The following PRKN variants were observed in gnomAD, a reference collection of about 807,000 sequenced individuals.
PRKN encodes parkin RBR E3 ubiquitin protein ligase.
Under a neutral mutation model 59.5 loss-of-function variants are expected in PRKN, and 56 were observed. The ratio of observed to expected loss-of-function variants is 0.94; its 90% CI spans 0.76 to 1.18. The LOEUF (loss-of-function observed/expected upper bound fraction) is 1.18. Ranked by LOEUF, PRKN falls within the 50% of genes most tolerant of loss-of-function variation. PRKN has a pLI of 0.00. For synonymous variants in PRKN, 250 were observed against 222.1 expected (o/e 1.13, Z -1.12); for missense variants, 657 against 596.4 (o/e 1.10, Z -1.06).
chr6:161,846,192 G>A (rs925765420), intron 6 of PRKN, among the ~76,000 whole-genome samples: 2 of 151,966 alleles, frequency 1.3e-5, no homozygotes, highest in African/African-American at 4.8e-5. Flanking sequence ...TATCTAATGC[G>A]GGTTCTAATA....
chr6:161,904,131 G>T (rs1301091936), intron 6 of PRKN, among the ~76,000 whole-genome samples: 1 of 151,840 alleles, frequency 6.6e-6, no homozygotes, highest in South Asian at 2.1e-4. Flanking sequence ...TTTGTGCCCA[G>T]GTTGTCTTGG....
At chr6:161,618,026 G>A (rs536871683) in intron 7 of PRKN, among the ~76,000 whole-genome samples, 7 of 152,332 alleles carry the variant, frequency 4.6e-5, no homozygotes, top group African/African-American at 1.7e-4. Flanking sequence ...AACGGGTGCT[G>A]TACCTCTCCA....
chr6:161,779,692 C>T (rs1790122517), intron 7 of PRKN, among the ~76,000 whole-genome samples: 1 of 152,032 alleles, frequency 6.6e-6, no homozygotes, highest in African/African-American at 2.4e-5. Context: ...ATCTGCCTAC[C>T]TCGTCCTACC....
chr6:162,637,109 T>A (rs559920002), intron 1 of PRKN, among the ~76,000 whole-genome samples: 39 of 150,940 alleles, frequency 2.6e-4, no homozygotes, highest in African/African-American at 9.3e-4. Flanking sequence ...TAAAAAAAAA[T>A]AGCCGGGCGT....
intron 9 of PRKN, among the ~76,000 whole-genome samples, chr6:161,532,553 T>C (rs1204973721): frequency 2.6e-5 from 4 of 152,172 alleles, no homozygotes; most frequent in South Asian, 2.1e-4. Context: ...TCCAGAGACA[T>C]TGAAAATATC....
intron 2 of PRKN, chr6:162,271,367 T>A (rs2128103245): frequency 6.6e-6 from 1 of 152,008 alleles, no homozygotes; most frequent in African/African-American, 2.4e-5. Context: ...GTGAAACCCG[T>A]GTCTACTAAA....
At chr6:162,012,962 A>G (rs1782793057) in intron 5 of PRKN, among the ~76,000 whole-genome samples, 1 of 152,018 alleles carries the variant, frequency 6.6e-6, no homozygotes, top group Non-Finnish European at 1.5e-5. Context: ...TTTTATTTTT[A>G]TGTTGAATAA....
At position 162,453,956 on chromosome 6, in the gene PRKN, G is replaced by C. The variant is rs185956115; in HGVS notation, c.8-10483C>G. Reference sequence around the variant, plus strand: ...TAATAATAAGGGCAAAACTCTTTGGGGAAGGAGATGACAAAGAAAGGAGAA... The same window carrying C: ...TAATAATAAGGGCAAAACTCTTTGGCGAAGGAGATGACAAAGAAAGGAGAA... On this transcript the variant is annotated intron_variant, in intron 1 of 11. Transcript: ENST00000366898. Among the ~76,000 whole-genome samples, 683 of 152,198 alleles carry C rather than the reference G, an allele frequency of 4.5e-3. 5 individuals are homozygous for C. The highest frequency in any genetic ancestry group is 6.5e-3 in the Admixed American group (99 of 15,274).
rs1030247828 is a variant in PRKN, at chr6:161,473,982, C to T, written c.1083+74872G>A. 6.6e-6 allele frequency among the ~76,000 whole-genome samples: 1 copy of T among 152,044 alleles called. No individual in the cohort carries two copies. The highest frequency in any genetic ancestry group is 2.4e-5 in the African/African-American group (1 of 41,384). ...AAATTTTATGCTTGTGGAAATCTAT[C>T]CACCCAAGCTTAGGCAGAGCCAGAC... On this transcript the variant is annotated intron_variant, in intron 9 of 11. Transcript: ENST00000366898. The surrounding 1 kb of genome is among the most constrained non-coding windows in gnomAD (Gnocchi z 4.1).
At chr6:162,306,510 C>T (rs1336200711) in intron 2 of PRKN, among the ~76,000 whole-genome samples, 1 of 152,116 alleles carries the variant, frequency 6.6e-6, no homozygotes, top group East Asian at 1.9e-4. Context: ...CTGTAGATCC[C>T]CTGTGAATCT....
chr6:162,638,941 T>C (rs921319656), intron 1 of PRKN, among the ~76,000 whole-genome samples: 1 of 152,034 alleles, frequency 6.6e-6, no homozygotes, highest in African/African-American at 2.4e-5. Flanking sequence ...AGACGGGGTT[T>C]CACTATGTTA....
At chr6:162,287,314 C>A (rs1781237112) in intron 2 of PRKN, among the ~76,000 whole-genome samples, 1 of 152,120 alleles carries the variant, frequency 6.6e-6, no homozygotes, top group Non-Finnish European at 1.5e-5. Context: ...CGCCTGTAAT[C>A]CCAGCAGTTT....
chr6:162,508,709 T>C (rs935659083), intron 1 of PRKN, among the ~76,000 whole-genome samples: 1 of 152,076 alleles, frequency 6.6e-6, no homozygotes, highest in African/African-American at 2.4e-5. Flanking sequence ...AGCCTAAGCA[T>C]TTTTACCCAG....
chr6:162,426,497 C>T (rs1789244492), intron 2 of PRKN, among the ~76,000 whole-genome samples: 1 of 152,242 alleles, frequency 6.6e-6, no homozygotes, highest in African/African-American at 2.4e-5. Flanking sequence ...GTCACCCACG[C>T]TGTAATGCAG....
chr6:162,217,491 C>G (rs1314213248), intron 3 of PRKN, among the ~76,000 whole-genome samples: 3 of 152,148 alleles, frequency 2.0e-5, no homozygotes, highest in Admixed American at 1.3e-4. Context: ...AGCTATTCTC[C>G]TGACTCTGCC....
chr6:162,341,606 A>G (rs1208065154), intron 2 of PRKN, among the ~76,000 whole-genome samples: 2 of 152,172 alleles, frequency 1.3e-5, no homozygotes, highest in African/African-American at 4.8e-5. Context: ...TGTCCTTTGC[A>G]GGGACATGGA....
intron 9 of PRKN, among the ~76,000 whole-genome samples, chr6:161,511,456 C>T (rs1273764982): frequency 6.6e-6 from 1 of 152,120 alleles, no homozygotes; most frequent in African/African-American, 2.4e-5. Flanking sequence ...TTTCTAGACT[C>T]CTGGGGAATT....
chr6:162,399,751 C>CT (rs1787663981), intron 2 of PRKN, among the ~76,000 whole-genome samples: 1 of 151,470 alleles, frequency 6.6e-6, no homozygotes, highest in Non-Finnish European at 1.5e-5. Context: ...AATACAAGAG[C>CT]TGGAGACATA....
intron 7 of PRKN, among the ~76,000 whole-genome samples, chr6:161,692,298 C>T (rs946422902): frequency 1.3e-5 from 2 of 152,112 alleles, no homozygotes; most frequent in African/African-American, 4.8e-5. Flanking sequence ...AAACCCAACT[C>T]CTTCTTACTA....
Sources: gnomAD v4.1 joint callset for allele counts (sites outside exome capture counted in the v4.1 genomes callset) on GRCh38, gnomAD v4.1.1 for gene constraint, Gnocchi (gnomAD v3.1) non-coding constraint, MANE v1.5 for transcripts, NCBI Gene and HGNC (gene_info 2026-07-23, HGNC 2026-07-21) for gene names.